Variants in AUTS2 observed in about 807,000 individuals in gnomAD.
AUTS2 encodes the protein activator of transcription and developmental regulator AUTS2.
Under a neutral mutation model 112.4 loss-of-function variants are expected in AUTS2, and 17 were observed. The ratio of observed to expected loss-of-function variants is 0.15; its 90% CI spans 0.10 to 0.23. The LOEUF (loss-of-function observed/expected upper bound fraction) is 0.23, where lower values mean the gene tolerates loss of function less well. AUTS2 is among the 10% of genes least tolerant of loss of function. The probability of loss-of-function intolerance (pLI) is 1.00; values close to 1 mark genes in which losing one functional copy is unlikely to be tolerated. For synonymous variants in AUTS2, 751 were observed against 702.7 expected (o/e 1.07, Z -1.09); for missense variants, 1,510 against 1,701.6 (o/e 0.89, Z 1.98).
intron 4 of AUTS2, among the ~76,000 whole-genome samples, chr7:70,222,459 G>T (rs1584896344): frequency 6.6e-6 from 1 of 152,240 alleles, no homozygotes; most frequent in South Asian, 2.1e-4. Flanking sequence ...AGAATTTAAG[G>T]ACTATTTTTT....
At chr7:69,814,621 G>A (rs1264358960) in intron 1 of AUTS2, among the ~76,000 whole-genome samples, 1 of 152,238 alleles carries the variant, frequency 6.6e-6, no homozygotes, top group Non-Finnish European at 1.5e-5. Flanking sequence ...CAAAGAATAG[G>A]AGCTGTGTTC....
At chr7:70,166,527 C>T (rs1389799637) in intron 4 of AUTS2, among the ~76,000 whole-genome samples, 1 of 151,966 alleles carries the variant, frequency 6.6e-6, no homozygotes, top group Non-Finnish European at 1.5e-5. Flanking sequence ...CTGTACAATA[C>T]ATGAAATAGT....
chr7:69,776,516 G>T (rs1457563824), intron 1 of AUTS2, among the ~76,000 whole-genome samples: 1 of 152,160 alleles, frequency 6.6e-6, no homozygotes, highest in East Asian at 1.9e-4. Context: ...CCTGGGCTCC[G>T]GTGAGCCCCT....
intron 4 of AUTS2, among the ~76,000 whole-genome samples, chr7:70,152,025 A>T (rs1381344090): frequency 6.6e-6 from 1 of 152,238 alleles, no homozygotes; most frequent in Non-Finnish European, 1.5e-5. Context: ...TAATGTAAAT[A>T]CTACAAGGTA....
At chr7:70,002,654 G>T (rs545668488) in intron 2 of AUTS2, among the ~76,000 whole-genome samples, 2 of 152,090 alleles carry the variant, frequency 1.3e-5, no homozygotes, top group Non-Finnish European at 2.9e-5. Flanking sequence ...ATTTTTAGAC[G>T]ACACTTACAG....
intron 6 of AUTS2, among the ~76,000 whole-genome samples, chr7:70,756,030 T>A (rs1789174895): frequency 6.6e-6 from 1 of 152,176 alleles, no homozygotes; most frequent in South Asian, 2.1e-4. Context: ...TTTTGAAAGT[T>A]AAAAGCACAA....
intron 4 of AUTS2, among the ~76,000 whole-genome samples, chr7:70,378,277 A>G (rs1231695801): frequency 6.6e-6 from 1 of 152,160 alleles, no homozygotes; most frequent in African/African-American, 2.4e-5. Flanking sequence ...AATTTCTTTT[A>G]TGCATACTCA....
At chr7:70,757,807 CT>C (rs3974412) in intron 6 of AUTS2, among the ~76,000 whole-genome samples, 3 of 60,540 alleles carry the variant, frequency 5.0e-5, no homozygotes, top group African/African-American at 1.3e-4. Flanking sequence ...TCCATGGCTT[CT>C]TTTTTTTTTT....
At chr7:70,018,424 C>T (rs1472450854) in intron 2 of AUTS2, among the ~76,000 whole-genome samples, 1 of 152,186 alleles carries the variant, frequency 6.6e-6, no homozygotes, top group African/African-American at 2.4e-5. Context: ...CGATCAACTT[C>T]AACCACTCAG....
chr7:70,729,088 A>G, intron 6 of AUTS2: 1 of 451,210 alleles, frequency 2.2e-6, no homozygotes, highest in Non-Finnish European at 4.5e-6. Context: ...TCTGCTCTTG[A>G]GAACAGCCAT....
At chr7:70,500,591 C>T (rs1369355464) in intron 5 of AUTS2, among the ~76,000 whole-genome samples, 45 of 152,310 alleles carry the variant, frequency 3.0e-4, no homozygotes, top group East Asian at 1.9e-4. Context: ...CTTTGGAAGC[C>T]GTGGGCCTTT....
chr7:70,505,393 G>C (rs879519631), intron 5 of AUTS2, among the ~76,000 whole-genome samples: 1 of 152,112 alleles, frequency 6.6e-6, no homozygotes, highest in Non-Finnish European at 1.5e-5. Context: ...CCTAAATGCA[G>C]CTCCAAATGA....
intron 4 of AUTS2, among the ~76,000 whole-genome samples, chr7:70,164,719 C>CA (rs1808289976): frequency 6.6e-6 from 1 of 152,134 alleles, no homozygotes; most frequent in Non-Finnish European, 1.5e-5. Context: ...TAGATTTATT[C>CA]AGTCCCCCCA....
At chr7:69,643,007 C>T (rs1199625670) in intron 1 of AUTS2, among the ~76,000 whole-genome samples, 1 of 152,150 alleles carries the variant, frequency 6.6e-6, no homozygotes, top group African/African-American at 2.4e-5. Context: ...GTCTCACTTA[C>T]ACGCTTGACT....
intron 6 of AUTS2, among the ~76,000 whole-genome samples, chr7:70,756,769 C>G (rs1353683529): frequency 6.6e-6 from 1 of 152,140 alleles, no homozygotes; most frequent in Non-Finnish European, 1.5e-5. Context: ...AGCCATCAAC[C>G]CTTGCATATG....
At chr7:70,384,967 G>A (rs529691796) in intron 4 of AUTS2, among the ~76,000 whole-genome samples, 26 of 152,246 alleles carry the variant, frequency 1.7e-4, no homozygotes, top group Middle Eastern at 3.4e-3. Context: ...AGATATAGTG[G>A]GTAAAGTCTG....
chr7:70,643,016 G>T (rs968953607), intron 5 of AUTS2, among the ~76,000 whole-genome samples: 1 of 152,096 alleles, frequency 6.6e-6, no homozygotes, highest in African/African-American at 2.4e-5. Context: ...CTTGATTTTT[G>T]ATTTTTTAAA....
intron 5 of AUTS2, among the ~76,000 whole-genome samples, chr7:70,662,966 A>G (rs537118145): frequency 6.6e-6 from 1 of 152,246 alleles, no homozygotes; most frequent in South Asian, 2.1e-4. Flanking sequence ...ATTCACTGCT[A>G]CTCTTCATCT....
At chr7:70,663,475 G>A (rs1807178613) in intron 5 of AUTS2, among the ~76,000 whole-genome samples, 9 of 152,176 alleles carry the variant, frequency 5.9e-5, no homozygotes, top group Admixed American at 5.9e-4. Flanking sequence ...CAATGGAACG[G>A]ACGTTGACTT....
Sources: gnomAD v4.1 joint callset for allele counts (sites outside exome capture counted in the v4.1 genomes callset) on GRCh38, gnomAD v4.1.1 for gene constraint, MANE v1.5 for transcripts, NCBI Gene and HGNC (gene_info 2026-07-23, HGNC 2026-07-21) for gene names.